The following TNIK variants were observed in gnomAD, a reference collection of about 807,000 sequenced individuals.
The protein encoded by TNIK is TRAF2 and NCK-interacting protein kinase.
TNIK carries 49 observed loss-of-function variants against 191.3 expected under a neutral mutation model. That is an observed-to-expected ratio of 0.26 (90% CI 0.20 to 0.32). The LOEUF is 0.32. Ranked by LOEUF, TNIK falls within the 10% of genes least tolerant of loss-of-function variation. The probability of loss-of-function intolerance (pLI) is 1.00; values close to 1 mark genes in which losing one functional copy is unlikely to be tolerated. For synonymous variants in TNIK, 594 were observed against 600.9 expected (o/e 0.99, Z 0.17); for missense variants, 1,155 against 1,702.3 (o/e 0.68, Z 5.66).
At chr3:171,185,246 C>T (rs1220578838) in intron 7 of TNIK, among the ~76,000 whole-genome samples, 1 of 147,828 alleles carries the variant, frequency 6.8e-6, no homozygotes, top group Non-Finnish European at 1.5e-5. Context: ...AATAAGACTA[C>T]ATTATGTGTA....
chr3:171,321,321 T>C (rs1260715257), intron 2 of TNIK, among the ~76,000 whole-genome samples: 3 of 152,208 alleles, frequency 2.0e-5, no homozygotes, highest in African/African-American at 7.2e-5. Flanking sequence ...GACTTTCTTT[T>C]GGCTAATTAA....
chr3:171,130,413 G>A (rs958000441), intron 15 of TNIK, among the ~76,000 whole-genome samples: 2 of 152,186 alleles, frequency 1.3e-5, no homozygotes, highest in African/African-American at 4.8e-5. Flanking sequence ...CCGTGTCCCA[G>A]AAGCTTACCA....
intron 2 of TNIK, among the ~76,000 whole-genome samples, chr3:171,253,369 G>T (rs540827574): frequency 6.6e-6 from 1 of 151,702 alleles, no homozygotes; most frequent in Non-Finnish European, 1.5e-5. Context: ...AGTGAGGTGC[G>T]AAAGGTCTCT....
intron 18 of TNIK, among the ~76,000 whole-genome samples, chr3:171,111,705 G>A (rs1271206505): frequency 3.9e-5 from 6 of 152,196 alleles, no homozygotes; most frequent in Non-Finnish European, 2.9e-5. Context: ...AGAGGTAGCT[G>A]TACTCCCATG....
chr3:171,118,598 C>T (rs1228231361), intron 18 of TNIK, among the ~76,000 whole-genome samples: 1 of 152,002 alleles, frequency 6.6e-6, no homozygotes, highest in Non-Finnish European at 1.5e-5. Flanking sequence ...GAGATATAGA[C>T]CAATGGAACA....
chr3:171,167,171 G>A lies in TNIK; in HGVS notation c.873C>T (p.Asp291=). ...TGCGGACCTGTCGCTCATTAGGTTG[G>A]TCTCGTATAAATGGATGCTTCATCA... ...EQLMKHPFIR[D]QPNERQVRIQ... is the part of the protein sequence containing the mutation. Residue 291 remains aspartate (D), a synonymous_variant, in exon 10 of 33, where the codon GAC becomes GAT. Coordinates refer to ENST00000436636, the MANE Select transcript of TNIK (RefSeq NM_015028.4). 3 of 1,613,864 alleles carry A rather than the reference G, an allele frequency of 1.9e-6. No individual in the cohort carries two copies. The highest frequency in any genetic ancestry group is 2.5e-6 in the Non-Finnish European group (3 of 1,179,862).
intron 23 of TNIK, 56 bp from the exon 24 acceptor site, chr3:171,087,562 T>G: frequency 6.3e-7 from 1 of 1,589,968 alleles, no homozygotes; most frequent in Non-Finnish European, 8.6e-7. Context: ...GGCCACAGAG[T>G]GACATCAGCC....
At chr3:171,175,980 C>T (rs1352394914) in intron 8 of TNIK, among the ~76,000 whole-genome samples, 1 of 152,168 alleles carries the variant, frequency 6.6e-6, no homozygotes, top group East Asian at 1.9e-4. Context: ...ATAAAAAGAT[C>T]TCATCTTGTA....
At chr3:171,408,634 T>G (rs79139388) in intron 1 of TNIK, among the ~76,000 whole-genome samples, 2,145 of 152,250 alleles carry the variant, frequency 0.014, 54 homozygotes, top group African/African-American at 0.048. Flanking sequence ...TGAGATAAGC[T>G]TGTTTATGGG....
chr3:171,352,851 T>C (rs561892907), intron 2 of TNIK, among the ~76,000 whole-genome samples: 38 of 152,294 alleles, frequency 2.5e-4, no homozygotes, highest in African/African-American at 9.1e-4. Flanking sequence ...GTCTCCTCTC[T>C]GAAAACTAAT....
intron 2 of TNIK, among the ~76,000 whole-genome samples, chr3:171,336,760 C>G (rs1756993990): frequency 6.6e-6 from 1 of 152,160 alleles, no homozygotes; most frequent in South Asian, 2.1e-4. Flanking sequence ...CTGAAGGGGC[C>G]AGTTTTTCCA....
chr3:171,407,573 G>A (rs1358427551), intron 1 of TNIK, among the ~76,000 whole-genome samples: 3 of 152,146 alleles, frequency 2.0e-5, no homozygotes, highest in East Asian at 3.9e-4. Context: ...GACAGGAGGG[G>A]CCACTAAGAC....
chr3:171,328,425 GTCCCTT>G (rs1423552192), intron 2 of TNIK, among the ~76,000 whole-genome samples: 3 of 152,192 alleles, frequency 2.0e-5, no homozygotes, highest in Admixed American at 2.0e-4. Flanking sequence ...ACCATGAAAA[GTCCCTT>G]TCAAAGGACC....
intron 2 of TNIK, among the ~76,000 whole-genome samples, chr3:171,253,788 G>T (rs951914725): frequency 1.3e-5 from 2 of 152,136 alleles, no homozygotes; most frequent in Admixed American, 1.3e-4. Context: ...TTCCCTTAAA[G>T]AGCAAAACTC....
At position 171,075,712 on chromosome 3, in the gene TNIK, C is replaced by T. The variant is rs143043158; in HGVS notation, c.3448+3806G>A. 2.6e-3 allele frequency among the ~76,000 whole-genome samples: 388 copies of T among 149,746 alleles called. 1 individual carries two copies. The highest frequency in any genetic ancestry group is 9.0e-3 in the African/African-American group (360 of 39,930). On this transcript the variant is annotated intron_variant, in intron 28 of 32. Coordinates refer to ENST00000436636, the MANE Select transcript of TNIK (RefSeq NM_015028.4). ...GCCACATACGTTTACAGACATTAAACGTTTTTTTTTTTTCCAAAAGCTGCT... is the reference window on the plus strand; with the variant it reads ...GCCACATACGTTTACAGACATTAAATGTTTTTTTTTTTTCCAAAAGCTGCT...
At chr3:171,343,645 C>T (rs1711658459) in intron 2 of TNIK, among the ~76,000 whole-genome samples, 1 of 152,214 alleles carries the variant, frequency 6.6e-6, no homozygotes, top group African/African-American at 2.4e-5. Flanking sequence ...GGCATTGAGA[C>T]TAAGCCTGCT....
intron 9 of TNIK, among the ~76,000 whole-genome samples, chr3:171,174,096 G>A (rs1478373240): frequency 6.6e-6 from 1 of 152,192 alleles, no homozygotes; most frequent in African/African-American, 2.4e-5. Flanking sequence ...TCCCCTCGCA[G>A]GGCCCGGCAA....
chr3:171,404,909 C>A (rs993201560), intron 1 of TNIK, among the ~76,000 whole-genome samples: 4 of 152,130 alleles, frequency 2.6e-5, no homozygotes, highest in African/African-American at 7.2e-5. Flanking sequence ...CAGCTTGATT[C>A]AAATCTTTAA....
At chr3:171,123,339 C>T (rs1412225107) in intron 18 of TNIK, among the ~76,000 whole-genome samples, 8 of 152,194 alleles carry the variant, frequency 5.3e-5, no homozygotes, top group Non-Finnish European at 8.8e-5. Flanking sequence ...AAAAACTGTC[C>T]GCTAAGGTAC....
Sources: gnomAD v4.1 joint callset for allele counts (sites outside exome capture counted in the v4.1 genomes callset) on GRCh38, gnomAD v4.1.1 for gene constraint, MANE v1.5 for transcripts, NCBI Gene and HGNC (gene_info 2026-07-23, HGNC 2026-07-21) for gene names.